Variants in INSR observed in about 807,000 individuals in gnomAD.
INSR encodes insulin receptor, also known as IR.
Under a neutral mutation model 142.6 loss-of-function variants are expected in INSR, and 67 were observed. The observed-to-expected ratio is 0.47, with a 90% CI of 0.39 to 0.58. INSR has a LOEUF of 0.58. Ranked by LOEUF, INSR falls within the 20% of genes least tolerant of loss-of-function variation. The pLI is 0.00. For synonymous variants in INSR, 756 were observed against 743.1 expected (o/e 1.02, Z -0.28); for missense variants, 1,248 against 1,833.2 (o/e 0.68, Z 5.83).
chr19:7,186,055 G>C (rs999574092), intron 2 of INSR, among the ~76,000 whole-genome samples: 2 of 151,834 alleles, frequency 1.3e-5, no homozygotes, highest in Non-Finnish European at 2.9e-5. Context: ...AATTAGCCGG[G>C]TGTGGTGGTG....
At chr19:7,272,953 A>G (rs948227616) in intron 1 of INSR, among the ~76,000 whole-genome samples, 2 of 152,224 alleles carry the variant, frequency 1.3e-5, no homozygotes, top group Admixed American at 1.3e-4. Context: ...GCAAATCCAT[A>G]GAGACAGAAA....
In INSR at chr19:7,160,750, C is replaced by T. The variant is rs370173746; in HGVS notation, c.2029+2282G>A. ...CGGTGGCTCACGCCTGTAATCCCAG[C>T]ACTTTGGGAGGCTGAGACGGGTGGA... On this transcript the variant is annotated intron_variant, in intron 9 of 21. Transcript: ENST00000302850. 7.2e-5 allele frequency among the ~76,000 whole-genome samples: 11 copies of T among 152,070 alleles called. No individual in the cohort carries two copies. In the East Asian group the frequency reaches 1.5e-3, roughly 21 times the overall value.
rs12973088 is a variant in INSR at position 7,119,853 on chromosome 19, C to T, written c.3660-270G>A. ...AAACACACACACCCAAACACACACA[C>T]GCACACACATGCAAACACACACAAA... is the stretch of plus-strand genomic sequence containing the variant. On this transcript the variant is annotated intron_variant, in intron 20 of 21. Coordinates refer to ENST00000302850, the MANE Select transcript of INSR (RefSeq NM_000208.4). This position sits in a 1 kb window ranked among gnomAD's most constrained non-coding sequence, Gnocchi z 5.2. Among the ~76,000 whole-genome samples, 428 of 115,962 alleles carry T rather than the reference C, an allele frequency of 3.7e-3. 17 individuals are homozygous for T. In the East Asian group the frequency reaches 0.08, roughly 22 times the overall value. The allele number at this position is 115,962 out of a possible 152,430, so 76.1% of individuals were successfully genotyped here.
At chr19:7,174,839 TTGTGTG>T in intron 3 of INSR, 108 bp from the exon 4 acceptor site, 1 of 1,120,102 alleles carries the variant, frequency 8.9e-7, no homozygotes, top group Non-Finnish European at 1.3e-6. Context: ...TGGTATTTCT[TTGTGTG>T]TGTGTGTGTG....
At chr19:7,153,338 C>CACA (rs1973480831) in intron 9 of INSR, among the ~76,000 whole-genome samples, 5 of 91,890 alleles carry the variant, frequency 5.4e-5, no homozygotes, top group African/African-American at 6.5e-5. Flanking sequence ...ACACCCACGC[C>CACA]ACACACCACA....
intron 14 of INSR, among the ~76,000 whole-genome samples, chr19:7,129,388 G>A (rs1456651122): frequency 2.6e-5 from 4 of 151,964 alleles, no homozygotes; most frequent in Non-Finnish European, 5.9e-5. Flanking sequence ...TCAGTGGCAC[G>A]ATCTCGGCTC....
chr19:7,257,719 G>A (rs1463494062), intron 2 of INSR, among the ~76,000 whole-genome samples: 1 of 151,990 alleles, frequency 6.6e-6, no homozygotes, highest in Non-Finnish European at 1.5e-5. Flanking sequence ...AGGAAGGAAA[G>A]AGGGAAGGAA....
At chr19:7,289,587 G>A (rs1968437036) in intron 1 of INSR, among the ~76,000 whole-genome samples, 1 of 151,786 alleles carries the variant, frequency 6.6e-6, no homozygotes, top group Non-Finnish European at 1.5e-5. Flanking sequence ...TGCATTTTTA[G>A]TAGAGATGGG....
chr19:7,240,151 T>C (rs1362623657), intron 2 of INSR, among the ~76,000 whole-genome samples: 3 of 152,328 alleles, frequency 2.0e-5, no homozygotes, highest in South Asian at 2.1e-4. Flanking sequence ...AGCTTCCCAA[T>C]ATATGCAGAT....
chr19:7,123,787 G>A (rs1972553088), intron 17 of INSR, among the ~76,000 whole-genome samples: 1 of 151,918 alleles, frequency 6.6e-6, no homozygotes, highest in African/African-American at 2.4e-5. Flanking sequence ...GCTGGGTGTG[G>A]TGGTGGGCTC....
intron 1 of INSR, among the ~76,000 whole-genome samples, chr19:7,293,035 C>A (rs1002954455): frequency 3.3e-5 from 5 of 152,160 alleles, no homozygotes; most frequent in African/African-American, 1.2e-4. Context: ...TCAGTTTACT[C>A]CTCTGTGAAA....
chr19:7,196,607 CTTAA>C lies in INSR; in HGVS notation c.653-11974_653-11971del, dbSNP rs550686922. ...AAAGTTCAAATTAGTTTGGGTTTTT[CTTAA>C]TTAAGAAGGTATGTGATAAAAAACA... On this transcript the variant is annotated intron_variant, in intron 2 of 21. Transcript: ENST00000302850. Among the ~76,000 whole-genome samples, 57 of 152,162 alleles carry C rather than the reference CTTAA, an allele frequency of 3.7e-4. 1 individual carries two copies. The South Asian group carries it at 0.012, about 31-fold the overall frequency.
intron 9 of INSR, 90 bp from the exon 10 acceptor site, chr19:7,153,017 A>ACACACACAG: frequency 2.0e-6 from 1 of 507,980 alleles, no homozygotes; most frequent in Non-Finnish European, 3.2e-6. Context: ...CACACACCAC[A>ACACACACAG]CACACACACC....
intron 1 of INSR, among the ~76,000 whole-genome samples, chr19:7,293,331 G>A (rs1375963131): frequency 2.0e-5 from 3 of 152,176 alleles, no homozygotes; most frequent in African/African-American, 7.2e-5. Flanking sequence ...CCCAGGCAGC[G>A]TCACCCACCG....
intron 2 of INSR, among the ~76,000 whole-genome samples, chr19:7,221,406 A>AG (rs749970430): frequency 1.5e-4 from 18 of 118,494 alleles, no homozygotes; most frequent in East Asian, 7.6e-4. Flanking sequence ...GAGGAGGAGG[A>AG]AAGAAGAAGA....
chr19:7,257,453 G>C (rs1976929091), intron 2 of INSR, among the ~76,000 whole-genome samples: 1 of 151,326 alleles, frequency 6.6e-6, no homozygotes, highest in African/African-American at 2.4e-5. Context: ...AGGCGGGGTG[G>C]GAGGAGGGAG....
In INSR at chr19:7,267,565, G is replaced by A; in HGVS notation, c.432C>T (p.Val144=). 1.2e-6 allele frequency: 2 copies of A among 1,614,116 alleles called. No homozygotes were observed. The highest frequency in any genetic ancestry group is 1.6e-4 in the Middle Eastern group (1 of 6,062). The change falls in exon 2 of 22, where the codon GTC becomes GTT. Residue 144 remains valine, a synonymous_variant. Transcript: ENST00000302850. The surrounding 1 kb of genome is among the most constrained non-coding windows in gnomAD (Gnocchi z 6.3). ...YNLMNITRGS[V]RIEKNNELCY... ...AGAGCTCATTGTTCTTCTCGATGCG[G>A]ACAGAACCCCGGGTGATGTTCATCA...
At chr19:7,256,846 TA>T (rs1976909004) in intron 2 of INSR, among the ~76,000 whole-genome samples, 1 of 150,438 alleles carries the variant, frequency 6.6e-6, no homozygotes, top group South Asian at 2.1e-4. Context: ...ATTTTTTTTT[TA>T]AAGATCTTTG....
At position 7,155,177 on chromosome 19, in the gene INSR, A is replaced by G. The variant is rs140262251; in HGVS notation, c.2030-2250T>C. 1.4e-4 allele frequency among the ~76,000 whole-genome samples: 22 copies of G among 152,046 alleles called. No homozygotes were observed. The East Asian group carries it at 4.1e-3, about 28-fold the overall frequency. On this transcript the variant is annotated intron_variant, in intron 9 of 21. Transcript: ENST00000302850. ...AGCACCATCCACATATCGTGGTGTAAAGCAATTCAGACATAGCAGAAACCC... is the reference window on the plus strand; with the variant it reads ...AGCACCATCCACATATCGTGGTGTAGAGCAATTCAGACATAGCAGAAACCC...
Sources: allele counts gnomAD v4.1 joint callset (sites outside exome capture counted in the v4.1 genomes callset), GRCh38; gene constraint gnomAD v4.1.1; non-coding constraint Gnocchi (gnomAD v3.1); transcripts MANE v1.5; gene names NCBI Gene and HGNC (gene_info 2026-07-23, HGNC 2026-07-21).